Variants in VMA21 observed in about 807,000 individuals in gnomAD.
VMA21 encodes vacuolar ATPase assembly integral membrane protein VMA21.
For synonymous variants in VMA21, 47 were observed against 34.1 expected (o/e 1.38, Z -1.32); for missense variants, 61 against 80.6 (o/e 0.76, Z 0.93).
upstream of VMA21, chrX:151,397,152 C>CCCGGCGCGAACGGGCACTT (rs746377729): frequency 2.9e-4 from 140 of 486,852 alleles, 2 homozygotes; most frequent in South Asian, 4.5e-3. Context: ...TGGCCCGCCG[C>CCCGGCGCGAACGGGCACTT]CCGGCGCGAA....
chrX:151,404,409 A>ATGTT (rs760438578), intron 2 of VMA21, among the ~76,000 whole-genome samples: 106 of 109,499 alleles, frequency 9.7e-4, no homozygotes, highest in Admixed American at 2.2e-3. Context: ...GTTTAAAACA[A>ATGTT]TGTTTGTTTG....
At chrX:151,401,335 T>C (rs964388475) in intron 1 of VMA21, among the ~76,000 whole-genome samples, 1 of 111,821 alleles carries the variant, frequency 8.9e-6, no homozygotes, top group Non-Finnish European at 1.9e-5. Context: ...TAGTTGGCCA[T>C]ATATGTTTGG....
rs2011297806 is a variant in VMA21, at chrX:151,406,816, T to G, written c.*1758T>G. On this transcript the variant is annotated 3_prime_UTR_variant, in exon 3 of 3. Transcript: ENST00000330374. The stretch of plus-strand genomic sequence containing the variant: ...TTACCGATTTGTTGTTCACATTTAT[T>G]TTTTATGTTGTGAAACTGGACTAAA... The G allele has an allele frequency of 8.9e-6, 1 of 112,586 alleles. No individual in the cohort carries two copies. The highest frequency in any genetic ancestry group is 1.9e-5 in the Non-Finnish European group (1 of 53,376). The allele number at this position is 112,586 out of a possible 1,213,427, so 9.3% of individuals were successfully genotyped here. A position where few individuals can be genotyped will look rare whatever the true frequency, so the allele number is the denominator to read the frequency against.
At position 151,405,121 on chromosome X, in the gene VMA21, C is replaced by G. The variant is rs764940224; in HGVS notation, c.*63C>G. Reference sequence around the variant, plus strand: ...TTAAAATGATAAATGCTGGAGGGGGCCATCTGATTTGAATAAAGTTGAAAG... The same window carrying G: ...TTAAAATGATAAATGCTGGAGGGGGGCATCTGATTTGAATAAAGTTGAAAG... On this transcript the variant is annotated 3_prime_UTR_variant, in exon 3 of 3. Transcript: ENST00000330374. 2 of 1,149,460 alleles carry G rather than the reference C, an allele frequency of 1.7e-6. No homozygotes were observed. The highest frequency in any genetic ancestry group is 2.4e-6 in the Non-Finnish European group (2 of 849,663). 94.7% of individuals were successfully genotyped at this position (1,149,460 alleles called of 1,213,427 possible).
At chrX:151,404,149 C>T (rs1049343705) in intron 2 of VMA21, among the ~76,000 whole-genome samples, 2 of 109,200 alleles carry the variant, frequency 1.8e-5, no homozygotes, top group Non-Finnish European at 1.9e-5. Flanking sequence ...TCTCGGCTCA[C>T]CGCAACCCCC....
At chrX:151,400,165 T>C (rs1451636435) in intron 1 of VMA21, among the ~76,000 whole-genome samples, 1 of 110,636 alleles carries the variant, frequency 9.0e-6, no homozygotes, top group South Asian at 3.9e-4. Context: ...TTGTGTCCTT[T>C]GATGTATATC....
chrX:151,398,181 G>GTTTTT (rs34263160), intron 1 of VMA21, among the ~76,000 whole-genome samples: 1 of 89,012 alleles, frequency 1.1e-5, no homozygotes, highest in East Asian at 3.5e-4. Context: ...GTCATTGTGA[G>GTTTTT]TTTTTTTTTT....
At chrX:151,404,780 A>G in intron 2 of VMA21, 136 bp from the exon 3 acceptor site, 4 of 718,893 alleles carry the variant, frequency 5.6e-6, no homozygotes, top group South Asian at 2.5e-5. Context: ...TTTATTCATT[A>G]CCACCCAAAA....
At chrX:151,400,349 G>A (rs1268624489) in intron 1 of VMA21, among the ~76,000 whole-genome samples, 1 of 88,555 alleles carries the variant, frequency 1.1e-5, no homozygotes, top group Non-Finnish European at 2.2e-5. Flanking sequence ...TACTTAACAT[G>A]TCTTCCAGGT....
rs1376745254 is a variant in VMA21 at position 151,407,157 on chromosome X, A to G, written c.*2099A>G. 8.9e-6 allele frequency: 1 copy of G among 112,690 alleles called. No homozygotes were observed. Among genetic ancestry groups the G allele is most frequent in the Non-Finnish European group, 1.9e-5 (1 of 53,341 alleles). The allele number at this position is 112,690 out of a possible 1,213,427, so 9.3% of individuals were successfully genotyped here. On this transcript the variant is annotated 3_prime_UTR_variant, in exon 3 of 3. Transcript: ENST00000330374. ...AATGTTGGATTATTGTTTTGGTTTCAGGCATTTGCTGAATAGGTGATGATA... is the reference window on the plus strand; with the variant it reads ...AATGTTGGATTATTGTTTTGGTTTCGGGCATTTGCTGAATAGGTGATGATA...
chrX:151,408,545 T>G lies in VMA21; in HGVS notation c.*3487T>G, dbSNP rs2011319543. 1 of 112,378 alleles carries G rather than the reference T, an allele frequency of 8.9e-6. No homozygotes were observed. The highest frequency in any genetic ancestry group is 9.4e-5 in the Admixed American group (1 of 10,643). 9.3% of individuals were successfully genotyped at this position (112,378 alleles called of 1,213,427 possible). ...GTCTGAGGTCAGTGGCAGGTTTCTC[T>G]GCTGTCAAGCACTCTGTGTCACCCA... is the stretch of plus-strand genomic sequence containing the variant. On this transcript the variant is annotated 3_prime_UTR_variant, in exon 3 of 3. Coordinates refer to ENST00000330374, the MANE Select transcript of VMA21 (RefSeq NM_001017980.4).
Position 151,407,414 on chromosome X carries a change from C to A in VMA21, c.*2356C>A, listed in dbSNP as rs182244739. 8.9e-6 allele frequency: 1 copy of A among 112,719 alleles called. No homozygotes were observed. Among genetic ancestry groups the A allele is most frequent in the East Asian group, 2.8e-4 (1 of 3,607 alleles). 9.3% of individuals were successfully genotyped at this position (112,719 alleles called of 1,213,427 possible). On this transcript the variant is annotated 3_prime_UTR_variant, in exon 3 of 3. Coordinates refer to ENST00000330374, the MANE Select transcript of VMA21 (RefSeq NM_001017980.4). ...ATGTTAAATAACATATGGTATTTGG[C>A]AAATAGATTTATTTTTCAAAATGTC...
intron 2 of VMA21, among the ~76,000 whole-genome samples, 154 bp from the exon 3 acceptor site, chrX:151,404,762 G>A (rs903121490): frequency 9.0e-6 from 1 of 111,666 alleles, no homozygotes; most frequent in Non-Finnish European, 1.9e-5. Context: ...ATATCTTTTA[G>A]TGAATACTTT....
chrX:151,398,154 C>T (rs1194370379), intron 1 of VMA21, among the ~76,000 whole-genome samples: 1 of 106,193 alleles, frequency 9.4e-6, no homozygotes, highest in African/African-American at 3.5e-5. Context: ...TCTGTGATGC[C>T]TTCTCTTTCC....
At chrX:151,396,765 T>C (rs1285915675), upstream of VMA21, 3 of 449,033 alleles carry the variant, frequency 6.7e-6, no homozygotes, top group African/African-American at 7.4e-5. Flanking sequence ...TGCTTTTTTG[T>C]GTTGTCGTCG....
At chrX:151,396,811 C>A, upstream of VMA21, 1 of 506,686 alleles carries the variant, frequency 2.0e-6, no homozygotes, top group South Asian at 2.6e-5. Context: ...CCACAGCCCT[C>A]TGGCTGGTAG....
At chrX:151,401,282 G>A (rs951107504) in intron 1 of VMA21, among the ~76,000 whole-genome samples, 1 of 111,889 alleles carries the variant, frequency 8.9e-6, no homozygotes, top group Non-Finnish European at 1.9e-5. Flanking sequence ...TGAAGGGACT[G>A]TCCTTTCCCC....
chrX:151,403,803 C>T (rs1415528133), intron 2 of VMA21, 63 bp downstream of exon 2: 3 of 843,281 alleles, frequency 3.6e-6, no homozygotes, highest in Non-Finnish European at 5.3e-6. Flanking sequence ...GCTTTTATGA[C>T]CTCTTTATAT....
chrX:151,403,179 G>C (rs1041260814), intron 1 of VMA21, among the ~76,000 whole-genome samples: 1 of 112,579 alleles, frequency 8.9e-6, no homozygotes, highest in Non-Finnish European at 1.9e-5. Flanking sequence ...CAGCAAAAGA[G>C]GGCGCGCTGA....
Sources: allele counts gnomAD v4.1 joint callset (sites outside exome capture counted in the v4.1 genomes callset), GRCh38; gene constraint gnomAD v4.1.1; transcripts MANE v1.5; gene names NCBI Gene and HGNC (gene_info 2026-07-23, HGNC 2026-07-21).